TASOR2: variants seen among roughly 807,000 people sequenced by gnomAD.
TASOR2 encodes the protein transcription activation suppressor family member 2.
TASOR2 carries 84 observed loss-of-function variants against 199.5 expected under a neutral mutation model. That is an observed-to-expected ratio of 0.42 (90% CI 0.35 to 0.50). TASOR2 has a LOEUF of 0.50. Among genes scored for constraint, TASOR2 ranks in the 20% least tolerant of loss-of-function variants. The probability of loss-of-function intolerance (pLI) is 0.02; values close to 1 mark genes in which losing one functional copy is unlikely to be tolerated. For synonymous variants in TASOR2, 1,103 were observed against 1,046.6 expected, an observed-to-expected ratio of 1.05 and a Z score of -1.04; for missense variants, 2,796 against 2,835.9, an observed-to-expected ratio of 0.99 and a Z score of 0.32.
At position 5,730,788 on chromosome 10, in the gene TASOR2, T is replaced by C. The variant is rs1834703746; in HGVS notation, c.789T>C (p.Tyr263=). 5 of 1,614,084 alleles carry C rather than the reference T, an allele frequency of 3.1e-6. No homozygotes were observed. The Admixed American group carries it at 5.0e-5, about 16-fold the overall frequency. ...AGTCTTTAACTCAGTTGAACTCTTATTTTTCAGACCCTAGTGCTTACATTT... is the reference window on the plus strand; with the variant it reads ...AGTCTTTAACTCAGTTGAACTCTTACTTTTCAGACCCTAGTGCTTACATTT... The change falls in exon 11 of 21, where the codon TAT becomes TAC. Residue 263 remains tyrosine, a synonymous_variant. Transcript: ENST00000328090. The surrounding 1 kb of genome is among the most constrained non-coding windows in gnomAD (Gnocchi z 4.1).
At chr10:5,708,230 A>G (rs1453453573) in intron 1 of TASOR2, among the ~76,000 whole-genome samples, 5 of 152,130 alleles carry the variant, frequency 3.3e-5, no homozygotes, top group Non-Finnish European at 7.4e-5. Context: ...ATATTAAACT[A>G]TTTGCAGTTC....
rs1264004414 is a variant in TASOR2, at chr10:5,719,670, A to T, written c.-99-874A>T. ...TGCTTTTTTCTTTTTTTTTGGAGAGACATGTAACCCTTGATGGAGAGAACT... is the reference window on the plus strand; with the variant it reads ...TGCTTTTTTCTTTTTTTTTGGAGAGTCATGTAACCCTTGATGGAGAGAACT... On this transcript the variant is annotated intron_variant, in intron 3 of 20. Coordinates refer to ENST00000328090, the Ensembl canonical transcript of TASOR2. This position sits in a 1 kb window ranked among gnomAD's most constrained non-coding sequence, Gnocchi z 4.1. Among the ~76,000 whole-genome samples the T allele has an allele frequency of 6.6e-6, 1 of 151,572 alleles. No individual in the cohort carries two copies.
In TASOR2 at chr10:5,691,467, C is replaced by CA. The variant is rs530969784; in HGVS notation, c.-288+6301dup. On this transcript the variant is annotated intron_variant, in intron 1 of 20. Coordinates refer to ENST00000328090, the Ensembl canonical transcript of TASOR2. Reference sequence around the variant, plus strand: ...ACACTTTACTCAAGGGGTGTAATTCCAAAAAAAAAGTTTTTAAAAAAGGTA... The same window carrying CA: ...ACACTTTACTCAAGGGGTGTAATTCCAAAAAAAAAAGTTTTTAAAAAAGGTA... Among the ~76,000 whole-genome samples, 420 of 151,048 alleles carry CA rather than the reference C, an allele frequency of 2.8e-3. 5 individuals are homozygous for CA. Among genetic ancestry groups the CA allele is most frequent in the South Asian group, 0.02 (94 of 4,776 alleles).
At chr10:5,715,602 A>G (rs1832521777) in intron 2 of TASOR2, among the ~76,000 whole-genome samples, 1 of 151,736 alleles carries the variant, frequency 6.6e-6, no homozygotes, top group Non-Finnish European at 1.5e-5. Context: ...GCACTTAACA[A>G]TGGGGATACA....
chr10:5,738,480 A>G lies in TASOR2; in HGVS notation c.1448-1138A>G, dbSNP rs914749249. 2.0e-5 allele frequency among the ~76,000 whole-genome samples: 3 copies of G among 152,230 alleles called. No homozygotes were observed. Among genetic ancestry groups the G allele is most frequent in the Admixed American group, 2.0e-4 (3 of 15,288 alleles). ...ATGTTTCCAGTATACCTGTGGGACT[A>G]ACAAGACAATTATCTGCTTTGGGTC... is the stretch of plus-strand genomic sequence containing the variant. On this transcript the variant is annotated intron_variant, in intron 12 of 20. Coordinates refer to ENST00000328090, the Ensembl canonical transcript of TASOR2. This position sits in a 1 kb window ranked among gnomAD's most constrained non-coding sequence, Gnocchi z 4.7.
chr10:5,760,961 G>A (rs1371794088), intron 18 of TASOR2: 2 of 175,756 alleles, frequency 1.1e-5, no homozygotes, highest in Non-Finnish European at 2.4e-5. Flanking sequence ...CACAAGGTAT[G>A]AGAAGTATAG....
chr10:5,751,285 T>C lies in TASOR2; in HGVS notation c.6606+1258T>C, dbSNP rs183475056. On this transcript the variant is annotated intron_variant, in intron 15 of 20. Transcript: ENST00000328090. This position sits in a 1 kb window ranked among gnomAD's most constrained non-coding sequence, Gnocchi z 5.3. ...ATCCACTAGATTTAACATCGACTGG[T>C]GATTCTTATCTGAATCAGTTATTAC... Among the ~76,000 whole-genome samples, 2 of 152,360 alleles carry C rather than the reference T, an allele frequency of 1.3e-5. No homozygotes were observed. Among genetic ancestry groups the C allele is most frequent in the Admixed American group, 1.3e-4 (2 of 15,306 alleles).
intron 2 of TASOR2, among the ~76,000 whole-genome samples, chr10:5,716,915 T>TATATATATATATAAATATAAAC (rs1832728392): frequency 1.4e-5 from 2 of 146,842 alleles, no homozygotes; most frequent in East Asian, 2.0e-4. Context: ...TAAATATAAA[T>TATATATATATATAAATATAAAC]ATATATATAT....
intron 1 of TASOR2, among the ~76,000 whole-genome samples, chr10:5,707,269 C>T (rs1417798751): frequency 6.6e-6 from 1 of 152,088 alleles, no homozygotes; most frequent in Non-Finnish European, 1.5e-5. Context: ...TAACAAAATC[C>T]ATCAGTTAGT....
chr10:5,702,218 T>C lies in TASOR2; in HGVS notation c.-287-10605T>C, dbSNP rs574962636. Among the ~76,000 whole-genome samples, 13 of 152,326 alleles carry C rather than the reference T, an allele frequency of 8.5e-5. No homozygotes were observed. The East Asian group carries it at 2.5e-3, about 29-fold the overall frequency. ...GCGTTTTCAGCATCTGTTGAAGTAA[T>C]CATGGTTTTTGTTCTTAGTTCTGTT... On this transcript the variant is annotated intron_variant, in intron 1 of 20. Transcript: ENST00000328090.
chr10:5,726,548 C>T (rs1198844709), intron 8 of TASOR2, among the ~76,000 whole-genome samples: 3 of 152,212 alleles, frequency 2.0e-5, no homozygotes, highest in African/African-American at 7.2e-5. Flanking sequence ...ATAATGACTA[C>T]ATGGTAACAT....
At chr10:5,726,477 A>G (rs1457058926) in intron 8 of TASOR2, among the ~76,000 whole-genome samples, 1 of 152,216 alleles carries the variant, frequency 6.6e-6, no homozygotes, top group East Asian at 1.9e-4. Context: ...GCGTTTTGGG[A>G]TAATTTTCAT....
At chr10:5,713,349 T>C (rs1832166206) in intron 2 of TASOR2, among the ~76,000 whole-genome samples, 1 of 152,180 alleles carries the variant, frequency 6.6e-6, no homozygotes, top group African/African-American at 2.4e-5. Flanking sequence ...TGAAATTGCT[T>C]CATTCAATAT....
chr10:5,715,357 A>G (rs957059894), intron 2 of TASOR2, among the ~76,000 whole-genome samples: 6 of 152,164 alleles, frequency 3.9e-5, no homozygotes, highest in African/African-American at 1.4e-4. Flanking sequence ...CACCCAAAAA[A>G]GAAATCCCAT....
chr10:5,762,513 T>TTTTTG lies in TASOR2; in HGVS notation c.7175-15_7175-14insGTTTT, dbSNP rs1554784535. The TTTTTG allele has an allele frequency of 5.6e-6, 3 of 538,668 alleles. No homozygotes were observed. Among genetic ancestry groups the TTTTTG allele is most frequent in the South Asian group, 4.5e-5 (1 of 22,150 alleles). The allele number at this position is 538,668 out of a possible 1,614,324, so 33.4% of individuals were successfully genotyped here. A position where few individuals can be genotyped will look rare whatever the true frequency, so the allele number is the denominator to read the frequency against. The stretch of plus-strand genomic sequence containing the variant: ...ATTAATTATATTAACCAAAAGTTGT[T>TTTTTG]TTTTTTTTTTTTTAACAGACAAGCC... On this transcript the variant is annotated intron_variant, in intron 19 of 20. Transcript: ENST00000328090.
chr10:5,720,966 C>G lies in TASOR2; in HGVS notation c.142C>G (p.Gln48Glu). Residue 48 changes from glutamine to glutamate, a missense_variant, in exon 6 of 21, where the codon CAG (glutamine) becomes GAG (glutamate). Gln to Glu is a conservative substitution (Grantham distance 29, BLOSUM62 2). Coordinates refer to ENST00000328090, the Ensembl canonical transcript of TASOR2. This position sits in a 1 kb window ranked among gnomAD's most constrained non-coding sequence, Gnocchi z 5.3. ...CACTTACGGTGCAATGATTCCAACA[C>G]AGCTGTAAGTATTAAATGTTATGTC... 6.2e-7 allele frequency: 1 copy of G among 1,609,290 alleles called. No individual in the cohort carries two copies. The highest frequency in any genetic ancestry group is 1.1e-5 in the South Asian group (1 of 90,282).
intron 12 of TASOR2, among the ~76,000 whole-genome samples, 164 bp from the exon 14 acceptor site, chr10:5,739,454 T>C (rs1720540947): frequency 6.6e-6 from 1 of 152,220 alleles, no homozygotes; most frequent in Non-Finnish European, 1.5e-5. Flanking sequence ...ATAAGTTTTA[T>C]CTGAGGGTTG....
At chr10:5,703,573 G>A (rs1192757819) in intron 1 of TASOR2, among the ~76,000 whole-genome samples, 2 of 131,968 alleles carry the variant, frequency 1.5e-5, no homozygotes, top group African/African-American at 2.8e-5. Context: ...GCACAATCTC[G>A]GCTCACTGCA....
At chr10:5,749,488 A>G (rs1837712823) in exon 15 of TASOR2, 2 of 1,613,910 alleles carry the variant, frequency 1.2e-6, no homozygotes, top group African/African-American at 2.7e-5. Context: ...TTCGACAAAA[A>G]TCTCTGAGGC....
Sources: allele counts gnomAD v4.1 joint callset (sites outside exome capture counted in the v4.1 genomes callset), GRCh38; gene constraint gnomAD v4.1.1; non-coding constraint Gnocchi (gnomAD v3.1); transcripts MANE v1.5; gene names NCBI Gene and HGNC (gene_info 2026-07-23, HGNC 2026-07-21).